CHST8: variants seen among roughly 807,000 people sequenced by gnomAD.
CHST8 encodes the protein carbohydrate sulfotransferase 8, also known as GALNAC-4-ST1.
In CHST8, 10 loss-of-function variants were observed where a neutral mutation model predicts 15.0. That is an observed-to-expected ratio of 0.67 (90% CI 0.41 to 1.13). The LOEUF (loss-of-function observed/expected upper bound fraction) is 1.13. CHST8 is among the 50% of genes most tolerant of loss of function. The probability of loss-of-function intolerance (pLI) is 0.00; values close to 1 mark genes in which losing one functional copy is unlikely to be tolerated. For missense variants in CHST8, 634 were observed against 608.2 expected (o/e 1.04, Z -0.45); for synonymous variants, 259 against 256.6 (o/e 1.01, Z -0.09).
intron 1 of CHST8, among the ~76,000 whole-genome samples, chr19:33,629,289 G>A (rs1266535999): frequency 6.6e-6 from 1 of 152,204 alleles, no homozygotes; most frequent in Non-Finnish European, 1.5e-5. Flanking sequence ...TGGACCCCTA[G>A]AGTTCCTTCA....
intron 1 of CHST8, among the ~76,000 whole-genome samples, chr19:33,630,977 T>A (rs1263018998): frequency 6.6e-6 from 1 of 152,162 alleles, no homozygotes; most frequent in Admixed American, 6.5e-5. Context: ...GTTGGCCACG[T>A]CCATCAGGCT....
intron 1 of CHST8, among the ~76,000 whole-genome samples, chr19:33,645,426 G>A (rs1174404032): frequency 6.6e-6 from 1 of 152,214 alleles, no homozygotes; most frequent in African/African-American, 2.4e-5. Flanking sequence ...AGTGGGAGAG[G>A]ATGATCCAGC....
intron 2 of CHST8, among the ~76,000 whole-genome samples, 200 bp from the exon 3 acceptor site, chr19:33,688,976 G>A (rs1271216408): frequency 1.3e-5 from 2 of 152,136 alleles, no homozygotes; most frequent in Non-Finnish European, 2.9e-5. Context: ...GACCCTGGTG[G>A]AAAGCTAGCA....
chr19:33,675,327 A>G (rs981837720), intron 2 of CHST8, among the ~76,000 whole-genome samples: 2 of 152,158 alleles, frequency 1.3e-5, no homozygotes, highest in African/African-American at 4.8e-5. Flanking sequence ...CTTCTACTGG[A>G]CATAATGAGG....
chr19:33,727,793 G>A (rs1241243503), intron 3 of CHST8, among the ~76,000 whole-genome samples: 1 of 152,268 alleles, frequency 6.6e-6, no homozygotes, highest in African/African-American at 2.4e-5. Context: ...GCGGGCTGGT[G>A]GCTGCATTCC....
At chr19:33,768,762 T>A (rs1974906034) in intron 3 of CHST8, among the ~76,000 whole-genome samples, 1 of 152,196 alleles carries the variant, frequency 6.6e-6, no homozygotes, top group South Asian at 2.1e-4. Context: ...AGTAAATTTT[T>A]AAAAATGTTA....
chr19:33,715,745 G>A (rs912072969), intron 3 of CHST8, among the ~76,000 whole-genome samples: 1 of 152,168 alleles, frequency 6.6e-6, no homozygotes, highest in Non-Finnish European at 1.5e-5. Flanking sequence ...AGCTGCCTCT[G>A]CCTCCTATCC....
chr19:33,663,994 C>T lies in CHST8; in HGVS notation c.-163-3773C>T, dbSNP rs370575010. ...CCGTAGCACAATATGTACATATATA[C>T]ACCATTTATGGCAAAAACACACACA... On this transcript the variant is annotated intron_variant, in intron 1 of 4. Coordinates refer to ENST00000650847, the MANE Select transcript of CHST8 (RefSeq NM_001127895.2). Among the ~76,000 whole-genome samples, 8 of 152,134 alleles carry T rather than the reference C, an allele frequency of 5.3e-5. No individual in the cohort carries two copies. In the East Asian group the frequency reaches 9.6e-4, roughly 18 times the overall value.
At chr19:33,762,571 C>T (rs1974755746) in intron 3 of CHST8, among the ~76,000 whole-genome samples, 1 of 152,252 alleles carries the variant, frequency 6.6e-6, no homozygotes, top group African/African-American at 2.4e-5. Flanking sequence ...TCTGCAGATG[C>T]ACCCCAGTGT....
chr19:33,642,479 C>T (rs1036254022), intron 1 of CHST8, among the ~76,000 whole-genome samples: 2 of 152,094 alleles, frequency 1.3e-5, no homozygotes, highest in Admixed American at 6.5e-5. Context: ...TCTTGTGCCT[C>T]AGCCTCCCTA....
intron 1 of CHST8, among the ~76,000 whole-genome samples, chr19:33,661,732 T>C (rs367969255): frequency 6.6e-6 from 1 of 152,164 alleles, no homozygotes; most frequent in African/African-American, 2.4e-5. Flanking sequence ...AAGAGGTCTT[T>C]TTAAAAGGAC....
intron 3 of CHST8, among the ~76,000 whole-genome samples, chr19:33,691,580 CACA>C (rs1973099850): frequency 3.0e-5 from 2 of 66,224 alleles, no homozygotes; most frequent in Admixed American, 1.9e-4. Context: ...AGTAATTTTC[CACA>C]ACATTAGTTA....
At chr19:33,677,949 C>CA (rs1972830918) in intron 2 of CHST8, among the ~76,000 whole-genome samples, 1 of 152,060 alleles carries the variant, frequency 6.6e-6, no homozygotes, top group African/African-American at 2.4e-5. Flanking sequence ...TGGGAGTGAC[C>CA]ACAGATGTAT....
intron 3 of CHST8, among the ~76,000 whole-genome samples, chr19:33,752,620 G>A (rs966539778): frequency 2.0e-5 from 3 of 152,166 alleles, no homozygotes; most frequent in Non-Finnish European, 2.9e-5. Context: ...GCCGCCCCAC[G>A]TTATGGACAC....
At chr19:33,648,299 G>C (rs534983200) in intron 1 of CHST8, among the ~76,000 whole-genome samples, 7 of 152,072 alleles carry the variant, frequency 4.6e-5, no homozygotes, top group Non-Finnish European at 8.8e-5. Flanking sequence ...TTTTCAGTAT[G>C]TTCCCAGTGT....
chr19:33,752,893 A>G (rs1189921741), intron 3 of CHST8, among the ~76,000 whole-genome samples: 1 of 152,242 alleles, frequency 6.6e-6, no homozygotes, highest in Non-Finnish European at 1.5e-5. Context: ...TGGTTTCATT[A>G]TCAAAATTTG....
At chr19:33,644,330 G>A (rs910144412) in intron 1 of CHST8, among the ~76,000 whole-genome samples, 1 of 152,132 alleles carries the variant, frequency 6.6e-6, no homozygotes, top group Non-Finnish European at 1.5e-5. Context: ...TGCATGTCAG[G>A]TACTGTTCTA....
chr19:33,721,774 G>T (rs2145310940), intron 3 of CHST8, among the ~76,000 whole-genome samples: 1 of 151,880 alleles, frequency 6.6e-6, no homozygotes, highest in Admixed American at 6.6e-5. Flanking sequence ...GGACAGATGG[G>T]TAGGTGAGTG....
intron 1 of CHST8, among the ~76,000 whole-genome samples, chr19:33,651,738 G>C (rs986948591): frequency 2.0e-5 from 3 of 152,096 alleles, no homozygotes; most frequent in African/African-American, 7.2e-5. Context: ...GTGGTGCAAT[G>C]TGATAAAATT....
Sources: allele counts gnomAD v4.1 joint callset (sites outside exome capture counted in the v4.1 genomes callset), GRCh38; gene constraint gnomAD v4.1.1; transcripts MANE v1.5; gene names NCBI Gene and HGNC (gene_info 2026-07-23, HGNC 2026-07-21).